PROS1: variants seen among roughly 807,000 people sequenced by gnomAD.
PROS1 encodes the protein protein S.
Under a neutral mutation model 75.9 loss-of-function variants are expected in PROS1, and 29 were observed. That is an observed-to-expected ratio of 0.38 (90% CI 0.28 to 0.52). The LOEUF (loss-of-function observed/expected upper bound fraction) is 0.52, where lower values mean the gene tolerates loss of function less well. Among genes scored for constraint, PROS1 ranks in the 20% least tolerant of loss-of-function variants. The pLI is 0.83. For missense variants in PROS1, 680 were observed against 810.3 expected, an observed-to-expected ratio of 0.84 and a Z score of 1.95; for synonymous variants, 245 against 280.6, an observed-to-expected ratio of 0.87 and a Z score of 1.27.
chr3:93,928,812 A>G (rs1299532902), intron 1 of PROS1: 1 of 1,065,696 alleles, frequency 9.4e-7, no homozygotes, highest in Non-Finnish European at 1.3e-6. Flanking sequence ...AAAGAAAACA[A>G]TATAAACAAT....
At chr3:93,890,285 G>T (rs1351921740) in intron 10 of PROS1, among the ~76,000 whole-genome samples, 1 of 152,138 alleles carries the variant, frequency 6.6e-6, no homozygotes, top group Non-Finnish European at 1.5e-5. Context: ...TACGTGCACC[G>T]CTGAACATAG....
intron 1 of PROS1, among the ~76,000 whole-genome samples, chr3:93,937,154 C>CTGTCCCTTTTAAGTG (rs1709196072): frequency 6.6e-6 from 1 of 152,056 alleles, no homozygotes; most frequent in East Asian, 1.9e-4. Context: ...ATCCGAGCTC[C>CTGTCCCTTTTAAGTG]CTGAGTGTAC....
intron 3 of PROS1, among the ~76,000 whole-genome samples, chr3:93,914,803 T>C (rs374597251): frequency 6.6e-6 from 1 of 152,176 alleles, no homozygotes; most frequent in Non-Finnish European, 1.5e-5. Flanking sequence ...ACCCAATATG[T>C]AGTCTTTTAT....
Position 93,923,962 on chromosome 3 carries a change from C to T in PROS1, c.259+278G>A, listed in dbSNP as rs186311343. Among the ~76,000 whole-genome samples the T allele has an allele frequency of 5.0e-3, 751 of 151,336 alleles. 6 individuals are homozygous for T. Among genetic ancestry groups the T allele is most frequent in the African/African-American group, 0.017 (684 of 41,314 alleles). ...ATATGCTCATAGACTATGTCTAGCACCTCAATATAACTGAGCATCAGCCCA... is the reference window on the plus strand; with the variant it reads ...ATATGCTCATAGACTATGTCTAGCATCTCAATATAACTGAGCATCAGCCCA... On this transcript the variant is annotated intron_variant, in intron 3 of 14. Transcript: ENST00000394236.
chr3:93,925,271 C>CTTAG (rs1709000158), intron 2 of PROS1, among the ~76,000 whole-genome samples: 1 of 152,172 alleles, frequency 6.6e-6, no homozygotes, highest in Non-Finnish European at 1.5e-5. Flanking sequence ...AATGTTACCA[C>CTTAG]TTAGTAAGTA....
At chr3:93,961,446 G>A (rs1310256107) in intron 1 of PROS1, among the ~76,000 whole-genome samples, 2 of 152,200 alleles carry the variant, frequency 1.3e-5, no homozygotes, top group African/African-American at 2.4e-5. Context: ...CAGGAGCTGA[G>A]GGCCTCAATC....
chr3:93,968,900 G>C (rs1055971704), intron 1 of PROS1, among the ~76,000 whole-genome samples: 1 of 152,246 alleles, frequency 6.6e-6, no homozygotes, highest in East Asian at 1.9e-4. Flanking sequence ...CCCACAGGTA[G>C]GGACAATAAG....
intron 12 of PROS1, among the ~76,000 whole-genome samples, chr3:93,883,601 A>C (rs1007860452): frequency 1.3e-5 from 2 of 151,788 alleles, no homozygotes; most frequent in African/African-American, 4.8e-5. Context: ...CTCAAAAAAA[A>C]AGAAAAAAAG....
intron 12 of PROS1, among the ~76,000 whole-genome samples, chr3:93,882,450 T>TG (rs1368460610): frequency 7.2e-5 from 11 of 152,124 alleles, no homozygotes; most frequent in Admixed American, 2.6e-4. Context: ...AAAAGCCAAA[T>TG]TATCTGCATA....
At position 93,896,613 on chromosome 3, in the gene PROS1, C is replaced by G; in HGVS notation, c.928G>C (p.Val310Leu). 6.2e-7 allele frequency: 1 copy of G among 1,613,770 alleles called. No individual in the cohort carries two copies. Among genetic ancestry groups the G allele is most frequent in the Non-Finnish European group, 8.5e-7 (1 of 1,179,754 alleles). Residue 310 changes from valine to leucine, a missense_variant, in exon 9 of 15, where the codon GTT (valine) becomes CTT (leucine). By Grantham distance (32) the Val-to-Leu change is conservative. Transcript: ENST00000394236. ...LYLAEQFAGV[V>L]LYLKFRLPEI... ...GGCAAACGAAATTTTAAATATAAAA[C>G]AACCCCTGCAAACTGCTCCGCCAAG...
chr3:93,946,577 T>C (rs1709403452), intron 1 of PROS1, among the ~76,000 whole-genome samples: 1 of 152,116 alleles, frequency 6.6e-6, no homozygotes, highest in African/African-American at 2.4e-5. Context: ...ATTTAAAAAA[T>C]GGTGCTGGGA....
Position 93,884,776 on chromosome 3 carries a change from C to A in PROS1, c.1444G>T (p.Gly482Cys). 1 of 1,613,836 alleles carries A rather than the reference C, an allele frequency of 6.2e-7. No individual in the cohort carries two copies. The highest frequency in any genetic ancestry group is 8.5e-7 in the Non-Finnish European group (1 of 1,179,892). The change falls in exon 12 of 15, where the codon GGC becomes TGC. Residue 482 changes from glycine (G) to cysteine (C), a missense_variant. Gly to Cys is a radical substitution (Grantham distance 159). Coordinates refer to ENST00000394236, the MANE Select transcript of PROS1 (RefSeq NM_000313.4). Reference protein sequence around the residue: ...NKHCLVTVEKGSYYPGSGIAQ... With the variant: ...NKHCLVTVEKCSYYPGSGIAQ... ...ATTCCAGAACCAGGATAGTAGGAGCCCTTCTCCACAGTAACCAGGCAATGC... is the reference window on the plus strand; with the variant it reads ...ATTCCAGAACCAGGATAGTAGGAGCACTTCTCCACAGTAACCAGGCAATGC...
chr3:93,888,313 G>C (rs1708381539), intron 10 of PROS1, among the ~76,000 whole-genome samples: 1 of 152,090 alleles, frequency 6.6e-6, no homozygotes, highest in African/African-American at 2.4e-5. Context: ...TTCATTTGTA[G>C]CTTTTACTTT....
Position 93,896,566 on chromosome 3 carries a change from G to A in PROS1, c.965+10C>T, listed in dbSNP as rs755507167. 6.4e-7 allele frequency: 1 copy of A among 1,570,550 alleles called. No individual in the cohort carries two copies. Among genetic ancestry groups the A allele is most frequent in the Non-Finnish European group, 8.8e-7 (1 of 1,140,716 alleles). On this transcript the variant is annotated intron_variant, in intron 9 of 14. Coordinates refer to ENST00000394236, the MANE Select transcript of PROS1 (RefSeq NM_000313.4). ...ACCTCTAGAAATTATCATTGGTATT[G>A]GTTCCTCACCTGCTGATTTCTGGCA...
intron 1 of PROS1, chr3:93,928,917 C>G: frequency 3.1e-6 from 1 of 325,578 alleles, no homozygotes; most frequent in Non-Finnish European, 5.8e-6. Flanking sequence ...GCATATTAGA[C>G]TGGCAAAACT....
At chr3:93,878,215 A>G (rs1179405975) in intron 13 of PROS1, among the ~76,000 whole-genome samples, 5 of 152,206 alleles carry the variant, frequency 3.3e-5, no homozygotes, top group Non-Finnish European at 7.3e-5. Flanking sequence ...TAAAAAGAAA[A>G]ACAAACTAGC....
At chr3:93,905,437 C>A (rs1415371269) in intron 6 of PROS1, among the ~76,000 whole-genome samples, 3 of 152,064 alleles carry the variant, frequency 2.0e-5, no homozygotes, top group Non-Finnish European at 2.9e-5. Flanking sequence ...CCCATCTCTA[C>A]AAAAAATACA....
chr3:93,930,344 G>T (rs1241145616), intron 1 of PROS1, among the ~76,000 whole-genome samples: 4 of 152,188 alleles, frequency 2.6e-5, no homozygotes, highest in Non-Finnish European at 5.9e-5. Context: ...ACGCATGCTA[G>T]TTTGTAATAA....
chr3:93,939,066 T>TA (rs1425266640), intron 1 of PROS1, among the ~76,000 whole-genome samples: 2 of 152,116 alleles, frequency 1.3e-5, no homozygotes, highest in Non-Finnish European at 2.9e-5. Context: ...CTCAAAAACT[T>TA]AAAATCTCTT....
Sources: allele counts gnomAD v4.1 joint callset (sites outside exome capture counted in the v4.1 genomes callset), GRCh38; gene constraint gnomAD v4.1.1; transcripts MANE v1.5; gene names NCBI Gene and HGNC (gene_info 2026-07-23, HGNC 2026-07-21).